The following MRPL9 variants were observed in gnomAD, a reference collection of about 807,000 sequenced individuals.
MRPL9 encodes the protein large ribosomal subunit protein bL9m.
MRPL9 carries 25 observed loss-of-function variants against 27.6 expected under a neutral mutation model. The observed-to-expected ratio is 0.91, with a 90% CI of 0.66 to 1.27. The LOEUF (loss-of-function observed/expected upper bound fraction) is 1.27. Among genes scored for constraint, MRPL9 ranks in the 50% most tolerant of loss-of-function variants. The pLI is 0.00. For missense variants in MRPL9, 362 were observed against 338.0 expected (o/e 1.07, Z -0.56); for synonymous variants, 154 against 139.0 (o/e 1.11, Z -0.76).
At chr1:151,762,651 A>G (rs2101544247) in intron 2 of MRPL9, 151 bp from the exon 3 acceptor site, 2 of 789,486 alleles carry the variant, frequency 2.5e-6, no homozygotes, top group Admixed American at 5.8e-5. Context: ...AAGATTTAAG[A>G]GACTGCTAAT....
In MRPL9 at chr1:151,762,506, A is replaced by G. The variant is rs991967386; in HGVS notation, c.311-6T>C. On this transcript the variant is annotated splice_polypyrimidine_tract_variant and splice_region_variant and intron_variant, in intron 2 of 6. Coordinates refer to ENST00000368830, the MANE Select transcript of MRPL9 (RefSeq NM_031420.4). The stretch of plus-strand genomic sequence containing the variant: ...GTCACCCCGGACTCCAACATCTGTC[A>G]ATTAGAACAGAGACAGGGGAATTAG... 2.5e-6 allele frequency: 4 copies of G among 1,613,782 alleles called. No individual in the cohort carries two copies. The East Asian group carries it at 6.7e-5, about 27-fold the overall frequency.
intron 4 of MRPL9, 75 bp from the exon 5 acceptor site, chr1:151,761,627 T>C: frequency 7.1e-6 from 8 of 1,126,878 alleles, no homozygotes; most frequent in Non-Finnish European, 1.1e-5. Context: ...CCAAGCAAGA[T>C]GGCTCATGCC....
At chr1:151,763,168 G>A (rs754250514) in intron 1 of MRPL9, 22 bp from the exon 2 acceptor site, 4 of 1,610,816 alleles carry the variant, frequency 2.5e-6, no homozygotes, top group East Asian at 2.2e-5. Flanking sequence ...GAAAGCGACG[G>A]TAAGCTAGTC....
chr1:151,763,111 C>A lies in MRPL9; in HGVS notation c.189G>T (p.Pro63=), dbSNP rs1198587251. 1.2e-6 allele frequency: 2 copies of A among 1,613,830 alleles called. No individual in the cohort carries two copies. The highest frequency in any genetic ancestry group is 2.7e-5 in the African/African-American group (2 of 74,914). Residue 63 remains proline (P), a synonymous_variant, in exon 2 of 7, where the codon CCG becomes CCT. Coordinates refer to ENST00000368830, the MANE Select transcript of MRPL9 (RefSeq NM_031420.4). ...GCGGCTTCCGGCCCTCCCCGGCCAG[C>A]GGTACCTTCCACCAGCGCTCCACGA... ...TVIVERWWKV[P]LAGEGRKPRL...
rs370570047 is a variant in MRPL9 at position 151,760,799 on chromosome 1, G to C, written c.672+17C>G. 6.2e-5 allele frequency: 96 copies of C among 1,544,666 alleles called. No individual in the cohort carries two copies. Among genetic ancestry groups the C allele is most frequent in the Non-Finnish European group, 4.1e-5 (47 of 1,152,850 alleles). On this transcript the variant is annotated intron_variant, in intron 6 of 6. Coordinates refer to ENST00000368830, the MANE Select transcript of MRPL9 (RefSeq NM_031420.4). ...AAGGAGAAAGAAAAGAAAAAAGAAA[G>C]TATGCAAAACACTCACCGTCACCTC...
Position 151,760,200 on chromosome 1 carries a change from G to C in MRPL9, c.673-19C>G. On this transcript the variant is annotated intron_variant, in intron 6 of 6. Transcript: ENST00000368830. ...CATTTACCTGCACACAAAACAATGG[G>C]AATTCTCAGAGATCAGTCAGGTAAG... 6.2e-7 allele frequency: 1 copy of C among 1,613,816 alleles called. No individual in the cohort carries two copies. The highest frequency in any genetic ancestry group is 1.1e-5 in the South Asian group (1 of 90,944).
At position 151,760,902 on chromosome 1, in the gene MRPL9, GCAA is replaced by G; in HGVS notation, c.589-6_589-4del. The G allele has an allele frequency of 9.8e-7, 1 of 1,021,780 alleles. No individual in the cohort carries two copies. Among genetic ancestry groups the G allele is most frequent in the Non-Finnish European group, 1.2e-6 (1 of 820,060 alleles). 63.3% of individuals were successfully genotyped at this position (1,021,780 alleles called of 1,614,324 possible). On this transcript the variant is annotated splice_polypyrimidine_tract_variant and splice_region_variant and intron_variant, in intron 5 of 6. Coordinates refer to ENST00000368830, the MANE Select transcript of MRPL9 (RefSeq NM_031420.4). ...TGTGGGGCAACCACAACACCAAGCTGCAAAAAAAAAAAAAAAAAAAAAAATCTC... is the reference window on the plus strand; with the variant it reads ...TGTGGGGCAACCACAACACCAAGCTGAAAAAAAAAAAAAAAAAAAAATCTC...
At chr1:151,762,795 C>T (rs1417139635) in intron 2 of MRPL9, 195 bp downstream of exon 2, 2 of 757,978 alleles carry the variant, frequency 2.6e-6, no homozygotes, top group East Asian at 2.6e-5. Flanking sequence ...GATGTTGCTG[C>T]CTTTATGTTT....
At position 151,760,036 on chromosome 1, in the gene MRPL9, G is replaced by C; in HGVS notation, c.*14C>G. 1 of 1,612,598 alleles carries C rather than the reference G, an allele frequency of 6.2e-7. No individual in the cohort carries two copies. Among genetic ancestry groups the C allele is most frequent in the Middle Eastern group, 1.7e-4 (1 of 6,022 alleles). ...CTCCCGATTCTGCTTTGCTGCCTTG[G>C]AGGGAGAGTAGATTTAGATCTGGGG... is the stretch of plus-strand genomic sequence containing the variant. On this transcript the variant is annotated 3_prime_UTR_variant, in exon 7 of 7. Coordinates refer to ENST00000368830, the MANE Select transcript of MRPL9 (RefSeq NM_031420.4).
At chr1:151,760,273 CCA>C in intron 6 of MRPL9, 92 bp from the exon 7 acceptor site, 1 of 1,535,362 alleles carries the variant, frequency 6.5e-7, no homozygotes, top group Non-Finnish European at 8.9e-7. Context: ...GACTTTTCTC[CCA>C]GTCAGAAAAA....
At chr1:151,763,181 C>T in intron 1 of MRPL9, 35 bp from the exon 2 acceptor site, 2 of 1,602,576 alleles carry the variant, frequency 1.2e-6, no homozygotes, top group Non-Finnish European at 1.7e-6. Context: ...AGCTAGTCTC[C>T]ACAAGGAACA....
chr1:151,762,413 G>C lies in MRPL9; in HGVS notation c.398C>G (p.Ser133Cys). 6.2e-7 allele frequency: 1 copy of C among 1,614,150 alleles called. No individual in the cohort carries two copies. The highest frequency in any genetic ancestry group is 8.5e-7 in the Non-Finnish European group (1 of 1,180,022). The change falls in exon 3 of 7, where the codon TCC becomes TGC. Residue 133 changes from serine (S) to cysteine (C), a missense_variant. Physicochemically the swap from Ser to Cys is moderately radical, Grantham distance 112 (BLOSUM62 -1). Transcript: ENST00000368830. The stretch of plus-strand genomic sequence containing the variant: ...TTCAAACAGCTTCTTGTTTTCAGGG[G>C]ATGCATATACAGCCAGTCCCTGAGG... ...LLPQGLAVYA[S>C]PENKKLFEEE...
rs1412702897 is a variant in MRPL9, at chr1:151,762,479, A to G, written c.332T>C (p.Leu111Pro). 1.2e-6 allele frequency: 2 copies of G among 1,614,112 alleles called. No individual in the cohort carries two copies. Among genetic ancestry groups the G allele is most frequent in the South Asian group, 2.2e-5 (2 of 91,078 alleles). ...SVENVGVRGD[L>P]VSVKKSLGRN... Reference sequence around the variant, plus strand: ...GCCTAAAGATTTCTTCACTGAGACCAGGTCACCCCGGACTCCAACATCTGT... The same window carrying G: ...GCCTAAAGATTTCTTCACTGAGACCGGGTCACCCCGGACTCCAACATCTGT... Residue 111 changes from leucine to proline, a missense_variant, in exon 3 of 7, where the codon CTG becomes CCG. Physicochemically the swap from Leu to Pro is moderately conservative, Grantham distance 98. Coordinates refer to ENST00000368830, the MANE Select transcript of MRPL9 (RefSeq NM_031420.4).
chr1:151,762,928 C>G (rs1648170582), intron 2 of MRPL9, 62 bp downstream of exon 2: 2 of 1,570,598 alleles, frequency 1.3e-6, no homozygotes, highest in Admixed American at 3.7e-5. Context: ...GGGGGACGGG[C>G]TAGAAAAAGC....
At chr1:151,763,271 G>GCC in intron 1 of MRPL9, 56 bp downstream of exon 1, 1 of 1,547,524 alleles carries the variant, frequency 6.5e-7, no homozygotes, top group Middle Eastern at 1.7e-4. Context: ...GTCCCAGTGC[G>GCC]CCTCCAGAAA....
At chr1:151,761,629 G>T in intron 4 of MRPL9, 77 bp from the exon 5 acceptor site, 2 of 1,084,954 alleles carry the variant, frequency 1.8e-6, no homozygotes, top group Admixed American at 3.6e-5. Flanking sequence ...AAGCAAGATG[G>T]CTCATGCCTG....
intron 4 of MRPL9, 50 bp from the exon 5 acceptor site, chr1:151,761,602 C>T (rs1558127838): frequency 7.1e-7 from 1 of 1,410,064 alleles, no homozygotes; most frequent in Admixed American, 1.7e-5. Flanking sequence ...ATGTCAGGGT[C>T]ACAGGGTATG....
At chr1:151,760,290 A>C in intron 6 of MRPL9, 109 bp from the exon 7 acceptor site, 1 of 1,439,584 alleles carries the variant, frequency 6.9e-7, no homozygotes, top group Non-Finnish European at 9.6e-7. Context: ...GAAAAAGGAG[A>C]GCTAGGGCTG....
Position 151,763,480 on chromosome 1 carries a change from G to T in MRPL9, c.-1C>A. The T allele has an allele frequency of 1.3e-6, 2 of 1,573,564 alleles. No homozygotes were observed. The highest frequency in any genetic ancestry group is 1.7e-6 in the Non-Finnish European group (2 of 1,160,276). ...GGGCCGTGACAACGGGCGCCGCCAT[G>T]TTCACAGGCACAGAATGAGACCTGA... On this transcript the variant is annotated 5_prime_UTR_variant, in exon 1 of 7. Coordinates refer to ENST00000368830, the MANE Select transcript of MRPL9 (RefSeq NM_031420.4).
Sources: gnomAD v4.1 joint callset for allele counts on GRCh38, gnomAD v4.1.1 for gene constraint, MANE v1.5 for transcripts, NCBI Gene and HGNC (gene_info 2026-07-23, HGNC 2026-07-21) for gene names.